The following OPHN1 variants were observed in gnomAD, a reference collection of about 807,000 sequenced individuals.
OPHN1 encodes oligophrenin 1.
OPHN1 carries 11 observed loss-of-function variants against 60.7 expected under a neutral mutation model. That is an observed-to-expected ratio of 0.18 (90% confidence interval 0.11 to 0.30). The LOEUF (loss-of-function observed/expected upper bound fraction) is 0.30, where lower values mean the gene tolerates loss of function less well. OPHN1 is among the 10% of genes least tolerant of loss of function. The probability of loss-of-function intolerance (pLI) is 1.00; values close to 1 mark genes in which losing one functional copy is unlikely to be tolerated. For synonymous variants in OPHN1, 226 were observed against 222.6 expected (o/e 1.02, Z -0.14); for missense variants, 449 against 611.0 (o/e 0.73, Z 2.80).
intron 15 of OPHN1, among the ~76,000 whole-genome samples, chrX:68,141,910 AAGAAAG>A (rs1300819514): frequency 1.4e-4 from 1 of 7,353 alleles, no homozygotes; most frequent in Non-Finnish European, 6.2e-4. Context: ...TAATTAAAGA[AAGAAAG>A]AAAGAAAGAA....
At chrX:68,218,656 A>G (rs2077631907) in intron 6 of OPHN1, among the ~76,000 whole-genome samples, 1 of 107,380 alleles carries the variant, frequency 9.3e-6, no homozygotes, top group South Asian at 4.4e-4. Flanking sequence ...TTCTCAACCC[A>G]GAATTTCATA....
At chrX:68,334,035 C>T (rs2078310017) in intron 2 of OPHN1, among the ~76,000 whole-genome samples, 1 of 108,867 alleles carries the variant, frequency 9.2e-6, no homozygotes, top group South Asian at 4.1e-4. Flanking sequence ...GAAGCTGGGA[C>T]TACAGGCATG....
At chrX:68,353,231 T>G (rs2078422076) in intron 2 of OPHN1, among the ~76,000 whole-genome samples, 1 of 108,388 alleles carries the variant, frequency 9.2e-6, no homozygotes, top group African/African-American at 3.4e-5. Flanking sequence ...ATAAATACTT[T>G]TATTGAGACA....
intron 3 of OPHN1, among the ~76,000 whole-genome samples, chrX:68,287,786 C>T (rs1163813639): frequency 8.9e-6 from 1 of 111,951 alleles, no homozygotes; most frequent in African/African-American, 3.2e-5. Context: ...AATAAACATG[C>T]ACTGTTTTGT....
rs571612696 is a variant in OPHN1, at chrX:68,169,056, G to A, written c.1276+23863C>T. Among the ~76,000 whole-genome samples, 77 of 111,492 alleles carry A rather than the reference G, an allele frequency of 6.9e-4. No individual in the cohort carries two copies. The South Asian group carries it at 0.028, about 40-fold the overall frequency. On this transcript the variant is annotated intron_variant, in intron 15 of 24. Transcript: ENST00000355520. ...GAGTGCAGGACCAGATGGATTCACA[G>A]CCAAATTCTACCAGAGGTACAAGGA... is the stretch of plus-strand genomic sequence containing the variant.
intron 16 of OPHN1, among the ~76,000 whole-genome samples, chrX:68,117,486 T>A (rs2077132200): frequency 8.9e-6 from 1 of 112,345 alleles, no homozygotes; most frequent in Non-Finnish European, 1.9e-5. Flanking sequence ...TACACAACTG[T>A]TTGCCTAGTG....
intron 19 of OPHN1, among the ~76,000 whole-genome samples, chrX:68,092,125 A>C (rs867257857): frequency 9.4e-6 from 1 of 106,104 alleles, no homozygotes; most frequent in Admixed American, 1.0e-4. Context: ...AACAAAGAAA[A>C]CTTAAAACCA....
At chrX:68,216,936 G>A (rs190002798) in intron 6 of OPHN1, among the ~76,000 whole-genome samples, 145 of 112,211 alleles carry the variant, frequency 1.3e-3, no homozygotes, top group African/African-American at 4.4e-3. Flanking sequence ...CAAGATGGCC[G>A]AATAGGAACA....
intron 15 of OPHN1, among the ~76,000 whole-genome samples, chrX:68,145,702 A>G (rs2077260934): frequency 8.9e-6 from 1 of 111,929 alleles, no homozygotes; most frequent in Non-Finnish European, 1.9e-5. Flanking sequence ...TATCATTCAA[A>G]TACATGCACA....
intron 2 of OPHN1, among the ~76,000 whole-genome samples, chrX:68,395,237 A>T (rs959625273): frequency 1.8e-5 from 2 of 108,717 alleles, no homozygotes; most frequent in Non-Finnish European, 3.8e-5. Context: ...GATTACAGGC[A>T]TGAGCCACTG....
chrX:68,298,858 C>T, intron 3 of OPHN1, 143 bp downstream of exon 3: 2 of 390,306 alleles, frequency 5.1e-6, no homozygotes, highest in South Asian at 5.9e-5. Context: ...TTTCCTGATC[C>T]TTCCTAATCA....
At chrX:68,312,252 ATTTTT>A (rs1238021221) in intron 2 of OPHN1, among the ~76,000 whole-genome samples, 1 of 69,829 alleles carries the variant, frequency 1.4e-5, no homozygotes. Context: ...GGCTCGGCTA[ATTTTT>A]TTTTTTTTTT....
At chrX:68,151,321 T>G (rs1488604585) in intron 15 of OPHN1, among the ~76,000 whole-genome samples, 3 of 112,160 alleles carry the variant, frequency 2.7e-5, no homozygotes, top group Non-Finnish European at 5.6e-5. Flanking sequence ...CAGCAGATAA[T>G]AGTTTGTCAT....
intron 2 of OPHN1, among the ~76,000 whole-genome samples, chrX:68,343,177 A>G (rs1022237513): frequency 9.3e-6 from 1 of 106,984 alleles, no homozygotes; most frequent in Admixed American, 1.0e-4. Flanking sequence ...GGGAGGCTGA[A>G]GCAGGAGAAT....
In OPHN1 at chrX:68,334,029, C is replaced by A. The variant is rs190355522; in HGVS notation, c.155-34933G>T. Among the ~76,000 whole-genome samples the A allele has an allele frequency of 3.7e-5, 4 of 108,892 alleles. No individual in the cohort carries two copies. The East Asian group carries it at 8.8e-4, about 24-fold the overall frequency. The allele number at this position is 108,892 out of a possible 115,157, so 94.6% of individuals were successfully genotyped here. A position where few individuals can be genotyped will look rare whatever the true frequency, so the allele number is the denominator to read the frequency against. On this transcript the variant is annotated intron_variant, in intron 2 of 24. Coordinates refer to ENST00000355520, the MANE Select transcript of OPHN1 (RefSeq NM_002547.3). The stretch of plus-strand genomic sequence containing the variant: ...TCTCATGCCTCGGCCTCCCAAGAAG[C>A]TGGGACTACAGGCATGCGCTACCAC...
chrX:68,162,391 A>G (rs1208738394), intron 15 of OPHN1, among the ~76,000 whole-genome samples: 3 of 110,355 alleles, frequency 2.7e-5, no homozygotes, highest in Non-Finnish European at 5.7e-5. Context: ...TTATAAATTA[A>G]TAGTAATAAA....
intron 9 of OPHN1, among the ~76,000 whole-genome samples, chrX:68,209,834 A>AT (rs1163053232): frequency 9.0e-6 from 1 of 111,339 alleles, no homozygotes; most frequent in Non-Finnish European, 1.9e-5. Context: ...AAGAAATATT[A>AT]TTTTTCTACT....
chrX:68,064,114 G>A lies in OPHN1; in HGVS notation c.1898C>T (p.Pro633Leu). 5.0e-6 allele frequency: 6 copies of A among 1,210,005 alleles called. No homozygotes were observed. Among genetic ancestry groups the A allele is most frequent in the African/African-American group, 1.7e-5 (1 of 57,598 alleles). Residue 633 changes from proline to leucine, a missense_variant, in exon 21 of 25, where the codon CCA (proline) becomes CTA (leucine). Coordinates refer to ENST00000355520, the MANE Select transcript of OPHN1 (RefSeq NM_002547.3). ...CTGAATAGGTAGTTTGGGGTGTTGT[G>A]GTGGCTTGGGGGGTTCTATGCTGCT... ...ITSSIEPPKP[P>L]QHPKLPIQRS...
rs755571220 is a variant in OPHN1 at position 68,114,929 on chromosome X, A to G, written c.1362-1690T>C. 5.4e-5 allele frequency among the ~76,000 whole-genome samples: 6 copies of G among 111,856 alleles called. No individual in the cohort carries two copies. In the South Asian group the frequency reaches 2.3e-3, roughly 43 times the overall value. ...AGAGATGCTAAGTCAGGGAGGCCTC[A>G]GGAAGGTGATATCTACTAAGAAGCT... On this transcript the variant is annotated intron_variant, in intron 16 of 24. Coordinates refer to ENST00000355520, the MANE Select transcript of OPHN1 (RefSeq NM_002547.3).
Sources: allele counts gnomAD v4.1 joint callset (sites outside exome capture counted in the v4.1 genomes callset), GRCh38; gene constraint gnomAD v4.1.1; transcripts MANE v1.5; gene names NCBI Gene and HGNC (gene_info 2026-07-23, HGNC 2026-07-21).